Variants in GRK5 observed in about 807,000 individuals in gnomAD.
GRK5 encodes the protein g protein-coupled receptor kinase GRK5.
A neutral mutation model predicts 78.4 loss-of-function variants in GRK5; 40 were observed. That is an observed-to-expected ratio of 0.51 (90% CI 0.40 to 0.66). The LOEUF is 0.66. Ranked by LOEUF, GRK5 falls within the 30% of genes least tolerant of loss-of-function variation. GRK5 has a pLI of 0.00. For missense variants in GRK5, 598 were observed against 759.9 expected, an observed-to-expected ratio of 0.79 and a Z score of 2.50; for synonymous variants, 289 against 296.8, an observed-to-expected ratio of 0.97 and a Z score of 0.27.
intron 1 of GRK5, 37 bp from the exon 2 acceptor site, chr10:119,326,479 G>A (rs1005223941): frequency 1.3e-6 from 2 of 1,556,424 alleles, no homozygotes; most frequent in Non-Finnish European, 1.8e-6. Context: ...GCAGGCTCTG[G>A]AGCCTCAGCC....
Position 119,411,841 on chromosome 10 carries a change from T to G in GRK5, c.340-11325T>G, listed in dbSNP as rs560815846. On this transcript the variant is annotated intron_variant, in intron 4 of 15. Transcript: ENST00000392870. ...TCCTCAGCTTCATTGCAGATCTGCT[T>G]CTTTTTTTTTTTTTTTTTTTTTTTT... 2.7e-3 allele frequency among the ~76,000 whole-genome samples: 255 copies of G among 95,954 alleles called. 2 individuals carry two copies. The highest frequency in any genetic ancestry group is 0.011 in the African/African-American group (241 of 22,854). The allele number at this position is 95,954 out of a possible 152,430, so 62.9% of individuals were successfully genotyped here. A position where few individuals can be genotyped will look rare whatever the true frequency, so the allele number is the denominator to read the frequency against.
At chr10:119,310,301 G>C (rs1322233259) in intron 1 of GRK5, among the ~76,000 whole-genome samples, 1 of 152,238 alleles carries the variant, frequency 6.6e-6, no homozygotes, top group East Asian at 1.9e-4. Flanking sequence ...AGTTGCAGCA[G>C]TGGCTGACCT....
intron 1 of GRK5, among the ~76,000 whole-genome samples, chr10:119,221,990 A>G (rs1229912316): frequency 1.3e-5 from 2 of 152,180 alleles, no homozygotes; most frequent in African/African-American, 4.8e-5. Flanking sequence ...GCATGTGTAA[A>G]TCAGGCAGGG....
At position 119,336,375 on chromosome 10, in the gene GRK5, C is replaced by T. The variant is rs1397096698; in HGVS notation, c.148+9764C>T. On this transcript the variant is annotated intron_variant, in intron 2 of 15. Transcript: ENST00000392870. This position sits in a 1 kb window ranked among gnomAD's most constrained non-coding sequence, Gnocchi z 4.5. ...CATCTAGAAGCCTGCAGCCCCGAGT[C>T]CTAACAATGGTTACCCCCAGGGAAG... is the stretch of plus-strand genomic sequence containing the variant. 6.6e-6 allele frequency among the ~76,000 whole-genome samples: 1 copy of T among 152,098 alleles called. No individual in the cohort carries two copies. Among genetic ancestry groups the T allele is most frequent in the Non-Finnish European group, 1.5e-5 (1 of 68,024 alleles).
chr10:119,361,622 G>A (rs1589764408), intron 2 of GRK5, among the ~76,000 whole-genome samples: 1 of 152,088 alleles, frequency 6.6e-6, no homozygotes, highest in East Asian at 1.9e-4. Context: ...TCCTGGCTAG[G>A]GGCCTATGCT....
chr10:119,344,426 G>A (rs1014640479), intron 2 of GRK5, among the ~76,000 whole-genome samples: 1 of 152,132 alleles, frequency 6.6e-6, no homozygotes, highest in African/African-American at 2.4e-5. Flanking sequence ...GAGAACATGC[G>A]GTGTTTGGTT....
At chr10:119,306,448 G>A (rs574687731) in intron 1 of GRK5, among the ~76,000 whole-genome samples, 3 of 152,144 alleles carry the variant, frequency 2.0e-5, no homozygotes, top group Non-Finnish European at 4.4e-5. Context: ...CCTGGATCAT[G>A]ATTGCAGATT....
At chr10:119,294,617 G>T (rs1390161247) in intron 1 of GRK5, among the ~76,000 whole-genome samples, 1 of 152,164 alleles carries the variant, frequency 6.6e-6, no homozygotes. Flanking sequence ...TGTGGCCAGG[G>T]TCATTGCTCA....
intron 1 of GRK5, among the ~76,000 whole-genome samples, chr10:119,262,103 A>G (rs1420921631): frequency 6.6e-6 from 1 of 152,096 alleles, no homozygotes; most frequent in Admixed American, 6.5e-5. Flanking sequence ...TACTGTACCT[A>G]TTTTGTGTTG....
chr10:119,326,182 G>A lies in GRK5; in HGVS notation c.53-334G>A, dbSNP rs144507511. 2.4e-4 allele frequency among the ~76,000 whole-genome samples: 37 copies of A among 152,388 alleles called. No individual in the cohort carries two copies. In the East Asian group the frequency reaches 5.2e-3, roughly 21 times the overall value. On this transcript the variant is annotated intron_variant, in intron 1 of 15. Coordinates refer to ENST00000392870, the MANE Select transcript of GRK5 (RefSeq NM_005308.3). ...CCCAAGCTAAAGGGGATGTTCAGAC[G>A]TGGCAGGCCTGGCCCCTGCTGTGGG...
intron 2 of GRK5, among the ~76,000 whole-genome samples, chr10:119,331,769 T>C (rs564915700): frequency 1.3e-5 from 2 of 152,346 alleles, no homozygotes; most frequent in African/African-American, 4.8e-5. Context: ...ATAGACCATC[T>C]CTACCTAGCA....
intron 2 of GRK5, among the ~76,000 whole-genome samples, chr10:119,352,282 A>G (rs1413515558): frequency 6.6e-6 from 1 of 152,222 alleles, no homozygotes; most frequent in African/African-American, 2.4e-5. Flanking sequence ...AGCTCCAGCC[A>G]CAATATTCTT....
At chr10:119,346,612 G>C (rs1403742676) in intron 2 of GRK5, among the ~76,000 whole-genome samples, 1 of 152,196 alleles carries the variant, frequency 6.6e-6, no homozygotes, top group Non-Finnish European at 1.5e-5. Flanking sequence ...GGACATGTGG[G>C]CTGGAGCTGC....
intron 4 of GRK5, among the ~76,000 whole-genome samples, chr10:119,416,433 C>T (rs1338433140): frequency 6.6e-6 from 1 of 152,260 alleles, no homozygotes; most frequent in African/African-American, 2.4e-5. Flanking sequence ...ATGATCTTCA[C>T]TAGTCCCTCT....
At chr10:119,251,304 T>A (rs566182781) in intron 1 of GRK5, among the ~76,000 whole-genome samples, 5 of 152,352 alleles carry the variant, frequency 3.3e-5, no homozygotes, top group South Asian at 2.1e-4. Flanking sequence ...AAAAGCAGAC[T>A]ATAACCAAAA....
chr10:119,259,065 C>CTTTTT (rs397950981), intron 1 of GRK5, among the ~76,000 whole-genome samples: 5 of 130,190 alleles, frequency 3.8e-5, no homozygotes, highest in African/African-American at 5.8e-5. Context: ...CTTTCTTTTT[C>CTTTTT]TTTTTTTTTT....
At chr10:119,443,464 T>C (rs1853078559) in intron 11 of GRK5, 80 bp from the exon 12 acceptor site, 9 of 1,343,960 alleles carry the variant, frequency 6.7e-6, no homozygotes, top group Non-Finnish European at 9.3e-6. Context: ...GTGGCGGCCA[T>C]GAAACTCCAG....
intron 1 of GRK5, among the ~76,000 whole-genome samples, chr10:119,299,022 T>G (rs976524736): frequency 6.6e-6 from 1 of 152,200 alleles, no homozygotes; most frequent in African/African-American, 2.4e-5. Flanking sequence ...CCCACCACCC[T>G]GGGAGACGGG....
At chr10:119,233,064 C>T (rs773685193) in intron 1 of GRK5, among the ~76,000 whole-genome samples, 9 of 152,184 alleles carry the variant, frequency 5.9e-5, no homozygotes, top group Non-Finnish European at 8.8e-5. Context: ...TCTGGGCCTC[C>T]CTCAGTGGCC....
Sources: gnomAD v4.1 joint callset for allele counts (sites outside exome capture counted in the v4.1 genomes callset) on GRCh38, gnomAD v4.1.1 for gene constraint, Gnocchi (gnomAD v3.1) non-coding constraint, MANE v1.5 for transcripts, NCBI Gene and HGNC (gene_info 2026-07-23, HGNC 2026-07-21) for gene names.